KIF18A: variants seen among roughly 807,000 people sequenced by gnomAD.
The protein encoded by KIF18A is kinesin-like protein KIF18A.
Under a neutral mutation model 103.3 loss-of-function variants are expected in KIF18A, and 67 were observed. The observed-to-expected ratio is 0.65, with a 90% CI of 0.53 to 0.79. The LOEUF is 0.79. Ranked by LOEUF, KIF18A falls within the 30% of genes least tolerant of loss-of-function variation. The probability of loss-of-function intolerance (pLI) is 0.00; values close to 1 mark genes in which losing one functional copy is unlikely to be tolerated. For missense variants in KIF18A, 1,032 were observed against 1,062.5 expected, an observed-to-expected ratio of 0.97 and a Z score of 0.40; for synonymous variants, 367 against 355.5, an observed-to-expected ratio of 1.03 and a Z score of -0.36.
At chr11:28,091,266 A>G in intron 4 of KIF18A, 143 bp downstream of exon 4, 1 of 519,060 alleles carries the variant, frequency 1.9e-6, no homozygotes, top group East Asian at 3.1e-5. Context: ...AAATAAGACT[A>G]AAAATATACC....
At chr11:28,102,985 C>T (rs917664133) in intron 1 of KIF18A, among the ~76,000 whole-genome samples, 11 of 152,072 alleles carry the variant, frequency 7.2e-5, no homozygotes, top group African/African-American at 1.4e-4. Context: ...TCGTTATCTG[C>T]GCAAGAATGT....
intron 11 of KIF18A, among the ~76,000 whole-genome samples, chr11:28,064,538 A>C (rs1350547739): frequency 6.6e-6 from 1 of 152,090 alleles, no homozygotes; most frequent in Non-Finnish European, 1.5e-5. Flanking sequence ...CCAATATGGT[A>C]CATGTATACC....
Position 28,079,193 on chromosome 11 carries a change from T to C in KIF18A, c.1263-2024A>G, listed in dbSNP as rs150494233. Among the ~76,000 whole-genome samples, 204 of 152,162 alleles carry C rather than the reference T, an allele frequency of 1.3e-3. 1 individual carries two copies. The highest frequency in any genetic ancestry group is 4.7e-3 in the African/African-American group (194 of 41,546). On this transcript the variant is annotated intron_variant, in intron 9 of 16. Coordinates refer to ENST00000263181, the MANE Select transcript of KIF18A (RefSeq NM_031217.4). ...AACTCCAGAAAAGTTTACTAATCTG[T>C]AAGGTTTTAATTGGTATAGTAGACT...
chr11:28,027,293 G>T (rs2133484543), intron 15 of KIF18A, among the ~76,000 whole-genome samples: 1 of 151,878 alleles, frequency 6.6e-6, no homozygotes, highest in Admixed American at 6.6e-5. Context: ...AGGATATAAA[G>T]AATGCATCAT....
intron 9 of KIF18A, among the ~76,000 whole-genome samples, chr11:28,080,353 T>G (rs1590701253): frequency 6.6e-6 from 1 of 151,694 alleles, no homozygotes; most frequent in African/African-American, 2.4e-5. Flanking sequence ...ACACTGTTTT[T>G]TTTTTTTTTT....
At chr11:28,084,611 A>G (rs754256486) in intron 7 of KIF18A, 21 bp downstream of exon 7, 374 of 1,562,010 alleles carry the variant, frequency 2.4e-4, no homozygotes, top group Non-Finnish European at 3.1e-4. Flanking sequence ...TTCACAACAA[A>G]GGCAGAGTAA....
At chr11:28,105,068 C>G (rs756599370) in intron 1 of KIF18A, among the ~76,000 whole-genome samples, 1 of 151,786 alleles carries the variant, frequency 6.6e-6, no homozygotes, top group East Asian at 2.0e-4. Flanking sequence ...TTACCTTAAT[C>G]GCAACATTTA....
intron 10 of KIF18A, among the ~76,000 whole-genome samples, chr11:28,069,981 T>G (rs1236111220): frequency 6.6e-6 from 1 of 152,196 alleles, no homozygotes; most frequent in African/African-American, 2.4e-5. Flanking sequence ...TTCAAAATAT[T>G]TTTGGTGTTT....
intron 10 of KIF18A, chr11:28,076,683 C>T (rs941314862): frequency 1.9e-5 from 3 of 158,804 alleles, no homozygotes; most frequent in Admixed American, 6.4e-5. Context: ...CCTGTAATCC[C>T]AGCACTTTGG....
Position 28,097,837 on chromosome 11 carries a change from C to A in KIF18A, c.111G>T (p.Val37=). ...GATCAAAAACTAGGATATGTTTATC[C>A]ACAACATGAACCACTTTATGAAATC... ...AAGFHKVVHV[V]DKHILVFDPK... is the part of the protein sequence containing the mutation. The change falls in exon 2 of 17, where the codon GTG becomes GTT. Residue 37 remains valine (V), a synonymous_variant. Transcript: ENST00000263181. 6.2e-7 allele frequency: 1 copy of A among 1,613,232 alleles called. No homozygotes were observed. The highest frequency in any genetic ancestry group is 8.5e-7 in the Non-Finnish European group (1 of 1,179,522).
At chr11:28,046,305 A>G (rs1190356090) in intron 13 of KIF18A, among the ~76,000 whole-genome samples, 1 of 149,908 alleles carries the variant, frequency 6.7e-6, no homozygotes, top group Non-Finnish European at 1.5e-5. Context: ...CCAAATGTCC[A>G]ACAATGATAG....
intron 2 of KIF18A, among the ~76,000 whole-genome samples, chr11:28,095,173 A>G (rs938017908): frequency 6.6e-6 from 1 of 152,256 alleles, no homozygotes; most frequent in Non-Finnish European, 1.5e-5. Context: ...CCAGGTTTAC[A>G]TAAGTTCAAA....
chr11:28,066,186 C>T (rs879509358), intron 11 of KIF18A, among the ~76,000 whole-genome samples: 2 of 151,940 alleles, frequency 1.3e-5, no homozygotes, highest in African/African-American at 2.4e-5. Context: ...AATATGACTG[C>T]TTTAGATATA....
chr11:28,070,677 AAGAAG>A (rs1851001108), intron 10 of KIF18A, among the ~76,000 whole-genome samples: 1 of 152,236 alleles, frequency 6.6e-6, no homozygotes, highest in Non-Finnish European at 1.5e-5. Flanking sequence ...CTGGATAGTC[AAGAAG>A]AGAAAACAAA....
intron 11 of KIF18A, among the ~76,000 whole-genome samples, chr11:28,068,281 G>A (rs1001939299): frequency 1.3e-5 from 2 of 152,066 alleles, no homozygotes; most frequent in South Asian, 2.1e-4. Flanking sequence ...GGGGTAGGGG[G>A]CAAGGGGAGG....
chr11:28,091,762 C>G (rs1023962354), intron 3 of KIF18A, among the ~76,000 whole-genome samples: 9 of 152,200 alleles, frequency 5.9e-5, no homozygotes, highest in Non-Finnish European at 1.0e-4. Context: ...ACTCATAATT[C>G]CTGCCTTGAT....
intron 3 of KIF18A, among the ~76,000 whole-genome samples, chr11:28,093,458 T>C (rs1227065957): frequency 6.6e-6 from 1 of 152,130 alleles, no homozygotes; most frequent in Non-Finnish European, 1.5e-5. Flanking sequence ...AATCAGGGTT[T>C]TTATGTTTCT....
chr11:28,047,110 G>T (rs1850646949), intron 13 of KIF18A, among the ~76,000 whole-genome samples: 1 of 146,096 alleles, frequency 6.8e-6, no homozygotes, highest in Non-Finnish European at 1.5e-5. Context: ...TTGTAAGTTT[G>T]TTATATATAA....
chr11:28,083,047 A>G (rs1478752574), intron 8 of KIF18A, 79 bp from the exon 9 acceptor site: 2 of 1,452,328 alleles, frequency 1.4e-6, no homozygotes, highest in East Asian at 2.5e-5. Context: ...GTAAAAAATA[A>G]CTGAATTAAC....
Sources: gnomAD v4.1 joint callset for allele counts (sites outside exome capture counted in the v4.1 genomes callset) on GRCh38, gnomAD v4.1.1 for gene constraint, MANE v1.5 for transcripts, NCBI Gene and HGNC (gene_info 2026-07-23, HGNC 2026-07-21) for gene names.